SLC25A25: variants seen among roughly 807,000 people sequenced by gnomAD.
The protein encoded by SLC25A25 is mitochondrial adenyl nucleotide antiporter SLC25A25.
Under a neutral mutation model 57.7 loss-of-function variants are expected in SLC25A25, and 32 were observed. That is an observed-to-expected ratio of 0.55 (90% confidence interval 0.42 to 0.74). SLC25A25 has a LOEUF of 0.74. Ranked by LOEUF, SLC25A25 falls within the 30% of genes least tolerant of loss-of-function variation. The pLI is 0.00. For missense variants in SLC25A25, 556 were observed against 701.3 expected (o/e 0.79, Z 2.34); for synonymous variants, 306 against 291.2 (o/e 1.05, Z -0.52).
rs1834160190 is a variant in SLC25A25, at chr9:128,108,907, T to C, written c.*1463T>C. 6.6e-6 allele frequency: 1 copy of C among 152,308 alleles called. No individual in the cohort carries two copies. Among genetic ancestry groups the C allele is most frequent in the African/African-American group, 2.4e-5 (1 of 41,590 alleles). 9.4% of individuals were successfully genotyped at this position (152,308 alleles called of 1,614,324 possible). A position where few individuals can be genotyped will look rare whatever the true frequency, so the allele number is the denominator to read the frequency against. On this transcript the variant is annotated 3_prime_UTR_variant, in exon 11 of 11. Coordinates refer to ENST00000373069, the MANE Select transcript of SLC25A25 (RefSeq NM_001330988.2). ...TTATTTCCTGCGCTGCGAGGGTTTCTTTATTTCACTCTTTTCTGAATGTCA... is the reference window on the plus strand; with the variant it reads ...TTATTTCCTGCGCTGCGAGGGTTTCCTTATTTCACTCTTTTCTGAATGTCA...
At chr9:128,071,142 C>T (rs1418508494) in intron 1 of SLC25A25, among the ~76,000 whole-genome samples, 16 of 152,116 alleles carry the variant, frequency 1.1e-4, no homozygotes, top group Non-Finnish European at 2.1e-4. Context: ...TCACAATGTT[C>T]TCGAGATTCA....
chr9:128,107,413 T>C lies in SLC25A25; in HGVS notation c.1517T>C (p.Leu506Pro). ...ATCAGCTACGTGGTCTACGAGAACC[T>C]GAAGATCACCCTGGGCGTGCAGTCG... Reference protein sequence around the residue: ...VSISYVVYENLKITLGVQSR With the variant: ...VSISYVVYENPKITLGVQSR Residue 506 changes from leucine (L) to proline (P), a missense_variant, in exon 11 of 11, where the codon CTG (leucine) becomes CCG (proline). Around this residue, in one of 3 missense-constraint regions of SLC25A25, gnomAD observed 294 missense variants for 389.6 expected, o/e 0.75. Coordinates refer to ENST00000373069, the MANE Select transcript of SLC25A25 (RefSeq NM_001330988.2). The C allele has an allele frequency of 6.6e-7, 1 of 1,507,650 alleles. No homozygotes were observed. Among genetic ancestry groups the C allele is most frequent in the Admixed American group, 2.3e-5 (1 of 43,536 alleles). The allele number at this position is 1,507,650 out of a possible 1,614,324, so 93.4% of individuals were successfully genotyped here. A position where few individuals can be genotyped will look rare whatever the true frequency, so the allele number is the denominator to read the frequency against.
rs1247622098 is a variant in SLC25A25 at position 128,099,966 on chromosome 9, T to G, written c.262-1130T>G. ...GTTTTGGGTTCCGGATTCAGGGCGT[T>G]GCTGAGTTGGGGTGACTCACTTTCA... On this transcript the variant is annotated intron_variant, in intron 1 of 10. Coordinates refer to ENST00000373069, the MANE Select transcript of SLC25A25 (RefSeq NM_001330988.2). The surrounding 1 kb of genome is among the most constrained non-coding windows in gnomAD (Gnocchi z 6.8). Among the ~76,000 whole-genome samples the G allele has an allele frequency of 6.6e-6, 1 of 152,122 alleles. No homozygotes were observed. The highest frequency in any genetic ancestry group is 2.4e-5 in the African/African-American group (1 of 41,412).
rs1405842816 is a variant in SLC25A25 at position 128,101,417 on chromosome 9, T to C, written c.476+21T>C. On this transcript the variant is annotated intron_variant, in intron 3 of 10. Transcript: ENST00000373069. The surrounding 1 kb of genome is among the most constrained non-coding windows in gnomAD (Gnocchi z 4.9). ...AAGAGGTGAGTGCTCAGCCAGCCTC[T>C]GTGTTTGGTTTAAGTGTGATGAAGG... The C allele has an allele frequency of 3.1e-6, 5 of 1,613,006 alleles. No homozygotes were observed. The South Asian group carries it at 5.5e-5, about 18-fold the overall frequency.
Position 128,107,740 on chromosome 9 carries a change from A to G in SLC25A25, c.*296A>G. On this transcript the variant is annotated 3_prime_UTR_variant, in exon 11 of 11. Transcript: ENST00000373069. The stretch of plus-strand genomic sequence containing the variant: ...AGGACATTTTCTGCAGTGCCTGCCA[A>G]TAGCGAGCTTGGAGCCTGGAGGCCG... 1 of 409,118 alleles carries G rather than the reference A, an allele frequency of 2.4e-6. No individual in the cohort carries two copies. Among genetic ancestry groups the G allele is most frequent in the East Asian group, 3.5e-5 (1 of 28,456 alleles). 25.3% of individuals were successfully genotyped at this position (409,118 alleles called of 1,614,324 possible). A position where few individuals can be genotyped will look rare whatever the true frequency, so the allele number is the denominator to read the frequency against.
chr9:128,093,280 G>A (rs368337567), intron 1 of SLC25A25, among the ~76,000 whole-genome samples: 1 of 152,322 alleles, frequency 6.6e-6, no homozygotes, highest in Non-Finnish European at 1.5e-5. Flanking sequence ...CAAAGAGAGG[G>A]TGTCACTTTG....
chr9:128,071,274 C>T (rs1351755885), intron 1 of SLC25A25, among the ~76,000 whole-genome samples: 3 of 152,134 alleles, frequency 2.0e-5, no homozygotes, highest in Non-Finnish European at 2.9e-5. Context: ...CCAAAGAGAG[C>T]CTAGCCCCTT....
intron 1 of SLC25A25, among the ~76,000 whole-genome samples, chr9:128,092,410 C>T (rs1264426171): frequency 6.6e-6 from 1 of 152,190 alleles, no homozygotes. Flanking sequence ...TGTGCCTTAG[C>T]TTATCCGAAC....
Position 128,099,238 on chromosome 9 carries a change from C to T in SLC25A25, c.262-1858C>T, listed in dbSNP as rs1231621352. The T allele has an allele frequency of 7.8e-7, 1 of 1,288,988 alleles. No individual in the cohort carries two copies. Among genetic ancestry groups the T allele is most frequent in the South Asian group, 1.2e-5 (1 of 81,014 alleles). The allele number at this position is 1,288,988 out of a possible 1,614,324, so 79.8% of individuals were successfully genotyped here. A position where few individuals can be genotyped will look rare whatever the true frequency, so the allele number is the denominator to read the frequency against. The stretch of plus-strand genomic sequence containing the variant: ...AGAGTCCGGAGGCCCCTTGCCACCT[C>T]GGCTTCTCGGTTAATCAGTTTCCCT... On this transcript the variant is annotated intron_variant, in intron 1 of 10. Transcript: ENST00000373069. This position sits in a 1 kb window ranked among gnomAD's most constrained non-coding sequence, Gnocchi z 6.8.
In SLC25A25 at chr9:128,104,687, C is replaced by T. The variant is rs900387443; in HGVS notation, c.783+848C>T. Reference sequence around the variant, plus strand: ...GCCTTGGGTGAAATCAAATGCCTGGCGTGTGCCTTTAAACCAGCATGGGTG... The same window carrying T: ...GCCTTGGGTGAAATCAAATGCCTGGTGTGTGCCTTTAAACCAGCATGGGTG... On this transcript the variant is annotated intron_variant, in intron 6 of 10. Transcript: ENST00000373069. Among the ~76,000 whole-genome samples, 25 of 152,226 alleles carry T rather than the reference C, an allele frequency of 1.6e-4. 1 individual carries two copies. The highest frequency in any genetic ancestry group is 1.2e-3 in the Admixed American group (18 of 15,284).
chr9:128,083,961 T>G (rs1833219046), intron 1 of SLC25A25, among the ~76,000 whole-genome samples: 1 of 152,166 alleles, frequency 6.6e-6, no homozygotes, highest in Admixed American at 6.5e-5. Context: ...CCAATTGTCT[T>G]TGTGTGTGGT....
rs1463122878 is a variant in SLC25A25 at position 128,103,331 on chromosome 9, C to T, written c.625-350C>T. ...CAGACGGCTCTCACCCCGGCCTGAT[C>T]CCTTCAGCGCAGCCAGCCTGGCAAT... On this transcript the variant is annotated intron_variant, in intron 5 of 10. Coordinates refer to ENST00000373069, the MANE Select transcript of SLC25A25 (RefSeq NM_001330988.2). The surrounding 1 kb of genome is among the most constrained non-coding windows in gnomAD (Gnocchi z 6.7). Among the ~76,000 whole-genome samples, 1 of 152,354 alleles carries T rather than the reference C, an allele frequency of 6.6e-6. No homozygotes were observed. Among genetic ancestry groups the T allele is most frequent in the South Asian group, 2.1e-4 (1 of 4,830 alleles).
intron 10 of SLC25A25, 22 bp downstream of exon 10, chr9:128,107,201 C>T: frequency 1.2e-6 from 2 of 1,613,422 alleles, no homozygotes; most frequent in Non-Finnish European, 1.7e-6. Flanking sequence ...CCTGGACAGT[C>T]CCCTGGGAGG....
At chr9:128,076,693 C>T (rs1182804530) in intron 1 of SLC25A25, among the ~76,000 whole-genome samples, 1 of 152,032 alleles carries the variant, frequency 6.6e-6, no homozygotes, top group African/African-American at 2.4e-5. Context: ...TGGTCTCGAT[C>T]TCCTGACCTC....
At chr9:128,083,836 G>A (rs149656808) in intron 1 of SLC25A25, among the ~76,000 whole-genome samples, 133 of 152,092 alleles carry the variant, frequency 8.7e-4, no homozygotes, top group Middle Eastern at 3.4e-3. Context: ...ATATTTCTAA[G>A]ATAGGTACTA....
Position 128,099,257 on chromosome 9 carries a change from T to C in SLC25A25, c.262-1839T>C. 1 of 1,288,996 alleles carries C rather than the reference T, an allele frequency of 7.8e-7. No individual in the cohort carries two copies. The highest frequency in any genetic ancestry group is 1.2e-5 in the South Asian group (1 of 81,006). The allele number at this position is 1,288,996 out of a possible 1,614,324, so 79.8% of individuals were successfully genotyped here. ...CCACCTCGGCTTCTCGGTTAATCAG[T>C]TTCCCTGCTACCCCCAGTGCCCACT... On this transcript the variant is annotated intron_variant, in intron 1 of 10. Coordinates refer to ENST00000373069, the MANE Select transcript of SLC25A25 (RefSeq NM_001330988.2). This position sits in a 1 kb window ranked among gnomAD's most constrained non-coding sequence, Gnocchi z 6.8.
chr9:128,069,918 ATTT>A (rs758820179), intron 1 of SLC25A25, among the ~76,000 whole-genome samples: 2 of 103,054 alleles, frequency 1.9e-5, no homozygotes, highest in African/African-American at 4.4e-5. Flanking sequence ...CACCCAGCTA[ATTT>A]TTTTTTTTTT....
chr9:128,103,856 C>T lies in SLC25A25; in HGVS notation c.783+17C>T. 6.5e-7 allele frequency: 1 copy of T among 1,530,244 alleles called. No homozygotes were observed. The highest frequency in any genetic ancestry group is 8.8e-7 in the Non-Finnish European group (1 of 1,139,208). 94.8% of individuals were successfully genotyped at this position (1,530,244 alleles called of 1,614,324 possible). On this transcript the variant is annotated intron_variant, in intron 6 of 10. Transcript: ENST00000373069. This position sits in a 1 kb window ranked among gnomAD's most constrained non-coding sequence, Gnocchi z 6.7. ...CTCATGCAGGTATGTAGGGAAAAGG[C>T]CCCAGACCCCTGGGGGGCCAGTTTC...
rs1017390005 is a variant in SLC25A25 at position 128,091,450 on chromosome 9, G to C, written c.262-9646G>C. ...ATGCAGACTGGATGCTCGGGTCCTC[G>C]GCTTGGGTGATGAGCGAGGACAGCT... On this transcript the variant is annotated intron_variant, in intron 1 of 10. Transcript: ENST00000373069. The C allele has an allele frequency of 9.1e-6, 9 of 985,844 alleles. No individual in the cohort carries two copies. The African/African-American group carries it at 1.6e-4, about 17-fold the overall frequency. 61.1% of individuals were successfully genotyped at this position (985,844 alleles called of 1,614,324 possible). A position where few individuals can be genotyped will look rare whatever the true frequency, so the allele number is the denominator to read the frequency against.
Sources: gnomAD v4.1 joint callset for allele counts (sites outside exome capture counted in the v4.1 genomes callset) on GRCh38, gnomAD v4.1.1 for gene constraint, gnomAD v4.1.1 regional missense constraint, Gnocchi (gnomAD v3.1) non-coding constraint, MANE v1.5 for transcripts, NCBI Gene and HGNC (gene_info 2026-07-23, HGNC 2026-07-21) for gene names.